Variants in TMEM71 observed in about 807,000 individuals in gnomAD.
TMEM71 encodes the protein transmembrane protein 71.
A neutral mutation model predicts 38.0 loss-of-function variants in TMEM71; 44 were observed. The observed-to-expected ratio is 1.16, with a 90% CI of 0.91 to 1.49. The LOEUF (loss-of-function observed/expected upper bound fraction) is 1.49. Ranked by LOEUF, TMEM71 falls within the 40% of genes most tolerant of loss-of-function variation. The pLI, the probability that TMEM71 is intolerant of heterozygous loss-of-function variation, is 0.00. For synonymous variants in TMEM71, 133 were observed against 122.5 expected, an observed-to-expected ratio of 1.09 and a Z score of -0.56; for missense variants, 367 against 348.6, an observed-to-expected ratio of 1.05 and a Z score of -0.42.
At chr8:132,763,991 C>G (rs917477988), upstream of TMEM71, among the ~76,000 whole-genome samples, 1 of 152,164 alleles carries the variant, frequency 6.6e-6, no homozygotes, top group Non-Finnish European at 1.5e-5. Context: ...CTCATGATCT[C>G]TCTTCCTACC....
chr8:132,718,466 C>T (rs1319361843), intron 7 of TMEM71, among the ~76,000 whole-genome samples: 4 of 145,646 alleles, frequency 2.7e-5, no homozygotes, highest in African/African-American at 5.2e-5. Flanking sequence ...GGCACAATCT[C>T]GGCTCACTGC....
Position 132,757,220 on chromosome 8 carries a change from G to T in TMEM71, c.101+14C>A. The T allele has an allele frequency of 4.4e-6, 7 of 1,595,128 alleles. No homozygotes were observed. Among genetic ancestry groups the T allele is most frequent in the Non-Finnish European group, 6.0e-6 (7 of 1,164,668 alleles). Reference sequence around the variant, plus strand: ...CAGAATGATTATTTTTTTAAAAGAAGCCCCATAGTATACCTTGGGAAAATG... The same window carrying T: ...CAGAATGATTATTTTTTTAAAAGAATCCCCATAGTATACCTTGGGAAAATG... On this transcript the variant is annotated intron_variant, in intron 3 of 9. Coordinates refer to ENST00000677595, the MANE Select transcript of TMEM71 (RefSeq NM_001382403.1).
chr8:132,752,027 T>G (rs1437560752), intron 3 of TMEM71, 30 bp from the exon 4 acceptor site: 1 of 1,583,438 alleles, frequency 6.3e-7, no homozygotes. Context: ...GCACTTTAAA[T>G]CTCTATTCAG....
chr8:132,705,911 T>C (rs974668799), downstream of TMEM71, among the ~76,000 whole-genome samples: 2 of 152,178 alleles, frequency 1.3e-5, no homozygotes, highest in African/African-American at 4.8e-5. Context: ...TTTGTCCCTA[T>C]AAGATTCATA....
chr8:132,768,678 C>T, the TMEM71 span, among the ~76,000 whole-genome samples: 1 of 152,170 alleles, frequency 6.6e-6, no homozygotes, highest in Non-Finnish European at 1.5e-5. Context: ...GGAAGTAATC[C>T]GATACTTGAC....
intron 5 of TMEM71, among the ~76,000 whole-genome samples, chr8:132,741,963 C>T (rs1002437899): frequency 9.8e-5 from 15 of 152,346 alleles, no homozygotes; most frequent in Middle Eastern, 3.4e-3. Context: ...CACCTGGCAA[C>T]GGGCGTCTTC....
intron 3 of TMEM71, among the ~76,000 whole-genome samples, chr8:132,753,240 A>T (rs1828822281): frequency 6.6e-6 from 1 of 151,058 alleles, no homozygotes; most frequent in Admixed American, 6.6e-5. Context: ...GAACGAAATC[A>T]CCTGACAGGC....
At chr8:132,716,472 C>A (rs184295742) in intron 7 of TMEM71, among the ~76,000 whole-genome samples, 1 of 152,330 alleles carries the variant, frequency 6.6e-6, no homozygotes, top group East Asian at 1.9e-4. Context: ...CTAACACCCC[C>A]TTTCAAAAAC....
downstream of TMEM71, among the ~76,000 whole-genome samples, chr8:132,707,728 T>C (rs1826113966): frequency 6.6e-6 from 1 of 152,230 alleles, no homozygotes; most frequent in South Asian, 2.1e-4. Context: ...GTACACAGTC[T>C]GTGATATTCT....
intron 7 of TMEM71, among the ~76,000 whole-genome samples, chr8:132,718,558 T>C (rs1443906294): frequency 6.6e-6 from 1 of 152,034 alleles, no homozygotes; most frequent in East Asian, 1.9e-4. Flanking sequence ...CCACCACGCC[T>C]GGCTAATTTT....
upstream of TMEM71, among the ~76,000 whole-genome samples, chr8:132,762,574 C>A (rs372920089): frequency 3.9e-5 from 6 of 152,130 alleles, no homozygotes; most frequent in South Asian, 6.2e-4. Context: ...ATGTACCAGG[C>A]ACTGTTCTAA....
intron 7 of TMEM71, among the ~76,000 whole-genome samples, chr8:132,716,647 A>G (rs1826551537): frequency 6.6e-6 from 1 of 152,228 alleles, no homozygotes; most frequent in African/African-American, 2.4e-5. Flanking sequence ...GGGCTTTAGT[A>G]TTCAAGGATT....
chr8:132,761,867 T>C (rs1401127794), upstream of TMEM71, among the ~76,000 whole-genome samples: 1 of 152,204 alleles, frequency 6.6e-6, no homozygotes, highest in Non-Finnish European at 1.5e-5. Context: ...AGTAAGGGTC[T>C]GATGCTCCAT....
intron 9 of TMEM71, 29 bp downstream of exon 9, chr8:132,713,966 A>G (rs769712671): frequency 1.2e-6 from 2 of 1,609,778 alleles, no homozygotes; most frequent in Non-Finnish European, 1.7e-6. Context: ...CTTGGTCCAG[A>G]CAATAATGAT....
chr8:132,766,994 TC>T, the TMEM71 span, among the ~76,000 whole-genome samples: 3 of 152,144 alleles, frequency 2.0e-5, no homozygotes. Flanking sequence ...TGGAGTAACT[TC>T]CATCAAAACT....
chr8:132,750,178 T>C (rs1210842293), intron 4 of TMEM71, among the ~76,000 whole-genome samples: 1 of 152,146 alleles, frequency 6.6e-6, no homozygotes, highest in Admixed American at 6.5e-5. Flanking sequence ...CTAGAGAGAC[T>C]CACAACGGAG....
chr8:132,716,191 G>T (rs1042391667), intron 7 of TMEM71, among the ~76,000 whole-genome samples: 1 of 152,218 alleles, frequency 6.6e-6, no homozygotes, highest in Non-Finnish European at 1.5e-5. Flanking sequence ...GGAAGCGCCT[G>T]CTCCTGCCCC....
intron 5 of TMEM71, among the ~76,000 whole-genome samples, chr8:132,743,042 C>T (rs1828134872): frequency 6.6e-6 from 1 of 152,078 alleles, no homozygotes; most frequent in Non-Finnish European, 1.5e-5. Context: ...CAGGAAAGAC[C>T]TGCCCCCATG....
In TMEM71 at chr8:132,727,042, A is replaced by C. The variant is rs549280359; in HGVS notation, c.676+756T>G. Among the ~76,000 whole-genome samples, 35 of 151,634 alleles carry C rather than the reference A, an allele frequency of 2.3e-4. 1 individual carries two copies. The East Asian group carries it at 6.5e-3, about 28-fold the overall frequency. ...CAGCTAATTTTTCTATTTTTAGTAG[A>C]GATGGACTTTTGCCATGTTGGCCAG... On this transcript the variant is annotated intron_variant, in intron 6 of 9. Transcript: ENST00000677595.
Sources: gnomAD v4.1 joint callset for allele counts (sites outside exome capture counted in the v4.1 genomes callset) on GRCh38, gnomAD v4.1.1 for gene constraint, MANE v1.5 for transcripts, NCBI Gene and HGNC (gene_info 2026-07-23, HGNC 2026-07-21) for gene names.